Variants in B4GALT1 observed in about 807,000 individuals in gnomAD.
B4GALT1 encodes the protein N-acetyllactosamine synthase.
Under a neutral mutation model 34.9 loss-of-function variants are expected in B4GALT1, and 16 were observed. The ratio of observed to expected loss-of-function variants is 0.46; its 90% confidence interval spans 0.31 to 0.70. The LOEUF is 0.70. Among genes scored for constraint, B4GALT1 ranks in the 30% least tolerant of loss-of-function variants. B4GALT1 has a pLI of 0.05. For missense variants in B4GALT1, 445 were observed against 530.5 expected, an observed-to-expected ratio of 0.84 and a Z score of 1.58; for synonymous variants, 221 against 218.1, an observed-to-expected ratio of 1.01 and a Z score of -0.12.
chr9:33,166,999 G>T lies in B4GALT1; in HGVS notation c.171C>A (p.Ser57=). Residue 57 remains serine, a synonymous_variant, in exon 1 of 6, where the codon TCC becomes TCA. Coordinates refer to ENST00000379731, the MANE Select transcript of B4GALT1 (RefSeq NM_001497.4). ...TGTTCGAGCCGCCCTGCAGCGGTGT[G>T]GAGACTCCGACCAGTTGGGGCAGGC... ...LSRLPQLVGV[S]TPLQGGSNSA... 6.3e-7 allele frequency: 1 copy of T among 1,594,824 alleles called. No individual in the cohort carries two copies. Among genetic ancestry groups the T allele is most frequent in the East Asian group, 2.2e-5 (1 of 44,520 alleles).
intron 4 of B4GALT1, among the ~76,000 whole-genome samples, chr9:33,115,498 G>A (rs1171979719): frequency 6.6e-6 from 1 of 152,208 alleles, no homozygotes. Context: ...GGACAGAACT[G>A]ACCAGGCCAT....
chr9:33,155,103 T>C (rs1209372429), intron 1 of B4GALT1, among the ~76,000 whole-genome samples: 2 of 152,292 alleles, frequency 1.3e-5, no homozygotes, highest in East Asian at 1.9e-4. Flanking sequence ...CAGGAGTACA[T>C]GGCTACGTCA....
chr9:33,113,769 T>C lies in B4GALT1; in HGVS notation c.1064+5A>G, dbSNP rs182359666. The C allele has an allele frequency of 2.5e-5, 41 of 1,614,130 alleles. No individual in the cohort carries two copies. The African/African-American group carries it at 4.5e-4, about 18-fold the overall frequency. ...GGAAGGAGTATGAATAAACAAAGAA[T>C]GCACCTCTGAGGATTGGGTTCATTT... On this transcript the variant is annotated splice_donor_5th_base_variant and intron_variant, in intron 5 of 5. Transcript: ENST00000379731.
downstream of B4GALT1, among the ~76,000 whole-genome samples, chr9:33,106,610 G>T (rs948350159): frequency 2.6e-5 from 4 of 152,208 alleles, no homozygotes; most frequent in Admixed American, 2.0e-4. Context: ...CGCCATGCCA[G>T]CCCTCCCTCA....
intron 1 of B4GALT1, among the ~76,000 whole-genome samples, chr9:33,164,214 A>G (rs905474754): frequency 6.6e-6 from 1 of 152,198 alleles, no homozygotes; most frequent in African/African-American, 2.4e-5. Context: ...TGAAAAGGCC[A>G]CAACTCTAAA....
intron 2 of B4GALT1, among the ~76,000 whole-genome samples, chr9:33,123,102 A>C (rs1011178735): frequency 2.6e-4 from 39 of 152,172 alleles, no homozygotes; most frequent in Middle Eastern, 3.4e-3. Context: ...ACATGGCGAA[A>C]GCCCGTCTCT....
chr9:33,134,720 T>C (rs1456540472), intron 2 of B4GALT1, among the ~76,000 whole-genome samples: 3 of 152,208 alleles, frequency 2.0e-5, no homozygotes, highest in South Asian at 4.1e-4. Context: ...GGCTGGCATG[T>C]AGGCATGTGA....
At chr9:33,167,524 G>A (rs1249499614), upstream of B4GALT1, among the ~76,000 whole-genome samples, 1 of 152,218 alleles carries the variant, frequency 6.6e-6, no homozygotes, top group Non-Finnish European at 1.5e-5. Context: ...GGGGTCCCCG[G>A]AGTATGACTG....
intron 1 of B4GALT1, among the ~76,000 whole-genome samples, chr9:33,140,352 T>C (rs931027699): frequency 1.3e-5 from 2 of 152,228 alleles, no homozygotes; most frequent in African/African-American, 4.8e-5. Context: ...TAGGTGTTTT[T>C]TAATTAAACT....
At chr9:33,183,705 C>G in the B4GALT1 span, among the ~76,000 whole-genome samples, 1 of 149,590 alleles carries the variant, frequency 6.7e-6, no homozygotes, top group East Asian at 2.0e-4. Flanking sequence ...GTGGGTGCAG[C>G]GCACCAGCGT....
At chr9:33,147,122 T>A (rs1840438604) in intron 1 of B4GALT1, among the ~76,000 whole-genome samples, 1 of 152,152 alleles carries the variant, frequency 6.6e-6, no homozygotes, top group Admixed American at 6.5e-5. Context: ...TTTTATAACC[T>A]CTCTAAACTT....
Position 33,138,383 on chromosome 9 carries a change from C to T in B4GALT1, c.413-2959G>A, listed in dbSNP as rs1336730971. Among the ~76,000 whole-genome samples the T allele has an allele frequency of 3.3e-5, 5 of 152,152 alleles. No homozygotes were observed. In the East Asian group the frequency reaches 7.7e-4, roughly 23 times the overall value. On this transcript the variant is annotated intron_variant, in intron 1 of 5. Coordinates refer to ENST00000379731, the MANE Select transcript of B4GALT1 (RefSeq NM_001497.4). Reference sequence around the variant, plus strand: ...CTGGATGCTCTCTAAGGTCTCAGAACGCCCTGACGTGTCCAGTGACACTTG... The same window carrying T: ...CTGGATGCTCTCTAAGGTCTCAGAATGCCCTGACGTGTCCAGTGACACTTG...
intron 2 of B4GALT1, among the ~76,000 whole-genome samples, chr9:33,129,953 A>T (rs1840169827): frequency 6.6e-6 from 1 of 152,184 alleles, no homozygotes; most frequent in African/African-American, 2.4e-5. Context: ...GGGCCTTCCG[A>T]CCATTTAGAC....
chr9:33,139,971 C>G (rs1840325358), intron 1 of B4GALT1, among the ~76,000 whole-genome samples: 1 of 152,248 alleles, frequency 6.6e-6, no homozygotes, highest in South Asian at 2.1e-4. Context: ...AGCTCAAGCC[C>G]CGCCACGTGG....
chr9:33,168,143 T>C (rs926243412), upstream of B4GALT1, among the ~76,000 whole-genome samples: 2 of 152,178 alleles, frequency 1.3e-5, no homozygotes, highest in African/African-American at 4.8e-5. Flanking sequence ...GAAGTAGCAG[T>C]TCTCCCCATG....
chr9:33,156,045 A>C (rs951309282), intron 1 of B4GALT1, among the ~76,000 whole-genome samples: 3 of 152,146 alleles, frequency 2.0e-5, no homozygotes, highest in African/African-American at 7.2e-5. Flanking sequence ...AAGGAGAAGA[A>C]GACATATGAC....
At chr9:33,142,144 A>G (rs1840359448) in intron 1 of B4GALT1, among the ~76,000 whole-genome samples, 1 of 151,812 alleles carries the variant, frequency 6.6e-6, no homozygotes. Flanking sequence ...CACCATGACC[A>G]GTTAATTTTT....
intron 3 of B4GALT1, among the ~76,000 whole-genome samples, chr9:33,116,521 CTTTTTTTTTTT>C (rs577170197): frequency 9.3e-6 from 1 of 107,308 alleles, no homozygotes; most frequent in Non-Finnish European, 1.7e-5. Context: ...CAAACCGGAT[CTTTTTTTTTTT>C]TTTTTTTTGA....
intron 1 of B4GALT1, among the ~76,000 whole-genome samples, chr9:33,150,392 A>G (rs549767517): frequency 2.1e-5 from 3 of 139,882 alleles, no homozygotes; most frequent in Admixed American, 2.1e-4. Flanking sequence ...GTCTGAAGTT[A>G]TGTCAAACTT....
Sources: gnomAD v4.1 joint callset for allele counts (sites outside exome capture counted in the v4.1 genomes callset) on GRCh38, gnomAD v4.1.1 for gene constraint, MANE v1.5 for transcripts, NCBI Gene and HGNC (gene_info 2026-07-23, HGNC 2026-07-21) for gene names.